Variants in PPP2R5C observed in about 807,000 individuals in gnomAD.
The protein encoded by PPP2R5C is serine/threonine-protein phosphatase 2A 56 kDa regulatory subunit gamma isoform.
In PPP2R5C, 7 loss-of-function variants were observed where a neutral mutation model predicts 68.9. The observed-to-expected ratio is 0.10, with a 90% confidence interval of 0.06 to 0.19. The LOEUF (loss-of-function observed/expected upper bound fraction) is 0.19. Ranked by LOEUF, PPP2R5C falls within the 10% of genes least tolerant of loss-of-function variation. PPP2R5C has a pLI of 1.00. For missense variants in PPP2R5C, 348 were observed against 641.3 expected, an observed-to-expected ratio of 0.54 and a Z score of 4.94; for synonymous variants, 210 against 222.2, an observed-to-expected ratio of 0.95 and a Z score of 0.49.
At position 101,888,466 on chromosome 14, in the gene PPP2R5C, G is replaced by A. The variant is rs531058834; in HGVS notation, c.630-1771G>A. Reference sequence around the variant, plus strand: ...CGGCACTGAGCTCTGCCCTGGTAACGTCCCTCCCTCCCTCTTAGGCTTTGG... The same window carrying A: ...CGGCACTGAGCTCTGCCCTGGTAACATCCCTCCCTCCCTCTTAGGCTTTGG... On this transcript the variant is annotated intron_variant, in intron 5 of 13. Coordinates refer to ENST00000334743, the Ensembl canonical transcript of PPP2R5C. This position sits in a 1 kb window ranked among gnomAD's most constrained non-coding sequence, Gnocchi z 5.6. 6.6e-6 allele frequency among the ~76,000 whole-genome samples: 1 copy of A among 152,142 alleles called. No homozygotes were observed. Among genetic ancestry groups the A allele is most frequent in the Admixed American group, 6.6e-5 (1 of 15,266 alleles).
At chr14:101,809,206 G>A (rs2039205195), upstream of PPP2R5C, among the ~76,000 whole-genome samples, 1 of 151,838 alleles carries the variant, frequency 6.6e-6, no homozygotes, top group South Asian at 2.1e-4. Flanking sequence ...TCTAGCTATC[G>A]AATTTATAAA....
chr14:101,795,509 G>T (rs552289648), intron 3 of PPP2R5C, among the ~76,000 whole-genome samples: 28 of 152,106 alleles, frequency 1.8e-4, no homozygotes, highest in Non-Finnish European at 2.9e-4. Flanking sequence ...TAAATAAAGA[G>T]ACCTTTTTTT....
chr14:101,855,187 A>T (rs1228192732), intron 1 of PPP2R5C, among the ~76,000 whole-genome samples: 1 of 152,128 alleles, frequency 6.6e-6, no homozygotes, highest in Non-Finnish European at 1.5e-5. Context: ...AAGAAAGAAA[A>T]TACCCATGTT....
chr14:101,887,130 T>C (rs1293522170), intron 5 of PPP2R5C, among the ~76,000 whole-genome samples: 1 of 152,238 alleles, frequency 6.6e-6, no homozygotes, highest in Non-Finnish European at 1.5e-5. Context: ...AAATATAAGG[T>C]TGCTGTTTAT....
chr14:101,923,787 C>T (rs1378668595), intron 13 of PPP2R5C, among the ~76,000 whole-genome samples: 1 of 152,210 alleles, frequency 6.6e-6, no homozygotes, highest in African/African-American at 2.4e-5. Context: ...TGCTGAGAAA[C>T]ACTTAGCAAA....
chr14:101,787,563 A>G (rs1487555902), intron 3 of PPP2R5C, among the ~76,000 whole-genome samples: 1 of 151,286 alleles, frequency 6.6e-6, no homozygotes, highest in Non-Finnish European at 1.5e-5. Flanking sequence ...GGAGATCAAG[A>G]CCATCCTGGC....
chr14:101,823,464 G>A (rs61994048), intron 1 of PPP2R5C, among the ~76,000 whole-genome samples: 4 of 152,100 alleles, frequency 2.6e-5, no homozygotes, highest in African/African-American at 7.2e-5. Flanking sequence ...GGAGTAATTC[G>A]GTACCCTCTC....
intron 3 of PPP2R5C, among the ~76,000 whole-genome samples, chr14:101,787,492 A>G (rs779626509): frequency 1.5e-3 from 222 of 151,964 alleles, no homozygotes; most frequent in Non-Finnish European, 2.1e-3. Flanking sequence ...GGCCGGGCGC[A>G]GTGGCTCATG....
chr14:101,811,313 G>A (rs960474812), intron 1 of PPP2R5C, among the ~76,000 whole-genome samples: 5 of 152,182 alleles, frequency 3.3e-5, no homozygotes, highest in African/African-American at 7.2e-5. Flanking sequence ...AGAACAAAAT[G>A]TAATTGTTTG....
chr14:101,819,331 A>C (rs1316938180), intron 1 of PPP2R5C: 1 of 428,742 alleles, frequency 2.3e-6, no homozygotes, highest in Admixed American at 3.6e-5. Flanking sequence ...GGGGGTTTGC[A>C]AGGCCGTCAC....
chr14:101,867,046 G>A (rs965837033), intron 2 of PPP2R5C, among the ~76,000 whole-genome samples: 2 of 152,014 alleles, frequency 1.3e-5, no homozygotes, highest in Non-Finnish European at 2.9e-5. Flanking sequence ...GTGGAACCCT[G>A]TCTCTACTAA....
intron 2 of PPP2R5C, among the ~76,000 whole-genome samples, chr14:101,880,180 G>A (rs1422035997): frequency 6.6e-6 from 1 of 152,228 alleles, no homozygotes; most frequent in Non-Finnish European, 1.5e-5. Flanking sequence ...TATAACACCA[G>A]TGAGAGTCAG....
In PPP2R5C at chr14:101,877,702, G is replaced by A. The variant is rs1231863026; in HGVS notation, c.295-4459G>A. ...CAAGAAGAATTTGAGGTGATAGACC[G>A]TTGGCCCTCTGTTCCTTCCCCCCGC... On this transcript the variant is annotated intron_variant, in intron 2 of 13. Coordinates refer to ENST00000334743, the Ensembl canonical transcript of PPP2R5C. This position sits in a 1 kb window ranked among gnomAD's most constrained non-coding sequence, Gnocchi z 4.2. Among the ~76,000 whole-genome samples, 1 of 152,138 alleles carries A rather than the reference G, an allele frequency of 6.6e-6. No homozygotes were observed. The highest frequency in any genetic ancestry group is 1.5e-5 in the Non-Finnish European group (1 of 68,032).
At chr14:101,883,873 A>T (rs1213427296) in intron 5 of PPP2R5C, among the ~76,000 whole-genome samples, 2 of 152,168 alleles carry the variant, frequency 1.3e-5, no homozygotes, top group Admixed American at 1.3e-4. Context: ...ATGTGGATGA[A>T]TTGGTTCCAT....
At chr14:101,810,288 C>A in intron 1 of PPP2R5C, 1 of 440,276 alleles carries the variant, frequency 2.3e-6, no homozygotes, top group Non-Finnish European at 4.1e-6. Context: ...GCTCGCTCTC[C>A]CATCCCCCTT....
rs541678445 is a variant in PPP2R5C, at chr14:101,820,502, A to G, written c.94+10466A>G. On this transcript the variant is annotated intron_variant, in intron 1 of 13. Transcript: ENST00000334743. ...TGTTCATGTAACTGACAGGTTCATC[A>G]ACATGGTTTCAGATTCCTCATTGCA... 4.6e-5 allele frequency: 7 copies of G among 152,374 alleles called. No homozygotes were observed. The South Asian group carries it at 1.4e-3, about 32-fold the overall frequency. The allele number at this position is 152,374 out of a possible 1,614,324, so 9.4% of individuals were successfully genotyped here. A position where few individuals can be genotyped will look rare whatever the true frequency, so the allele number is the denominator to read the frequency against.
At chr14:101,771,782 C>G (rs886226468) in intron 2 of PPP2R5C, among the ~76,000 whole-genome samples, 2 of 152,110 alleles carry the variant, frequency 1.3e-5, no homozygotes, top group Non-Finnish European at 2.9e-5. Context: ...ACCCTGCAGC[C>G]TGCAGGTGTT....
chr14:101,815,231 T>G (rs1487858824), intron 1 of PPP2R5C, among the ~76,000 whole-genome samples: 1 of 152,130 alleles, frequency 6.6e-6, no homozygotes, highest in Admixed American at 6.5e-5. Flanking sequence ...GATTTGAGCC[T>G]CAGTCAGTCT....
chr14:101,923,738 CATT>C (rs2047136974), intron 13 of PPP2R5C, among the ~76,000 whole-genome samples: 1 of 152,194 alleles, frequency 6.6e-6, no homozygotes, highest in Non-Finnish European at 1.5e-5. Flanking sequence ...TAAACCTTGA[CATT>C]ATTGCTGTTT....
Sources: gnomAD v4.1 joint callset for allele counts (sites outside exome capture counted in the v4.1 genomes callset) on GRCh38, gnomAD v4.1.1 for gene constraint, Gnocchi (gnomAD v3.1) non-coding constraint, MANE v1.5 for transcripts, NCBI Gene and HGNC (gene_info 2026-07-23, HGNC 2026-07-21) for gene names.